The following NLGN1 variants were observed in gnomAD, a reference collection of about 807,000 sequenced individuals.
NLGN1 encodes the protein neuroligin 1.
In NLGN1, 12 loss-of-function variants were observed where a neutral mutation model predicts 65.5. The ratio of observed to expected loss-of-function variants is 0.18; its 90% CI spans 0.12 to 0.30. The LOEUF is 0.30. Among genes scored for constraint, NLGN1 ranks in the 10% least tolerant of loss-of-function variants. The pLI, the probability that NLGN1 is intolerant of heterozygous loss-of-function variation, is 1.00. For synonymous variants in NLGN1, 350 were observed against 359.5 expected (o/e 0.97, Z 0.30); for missense variants, 750 against 1,007.1 (o/e 0.74, Z 3.46).
intron 2 of NLGN1, among the ~76,000 whole-genome samples, chr3:173,555,781 C>A (rs904104438): frequency 6.6e-6 from 1 of 152,018 alleles, no homozygotes; most frequent in Non-Finnish European, 1.5e-5. Context: ...TGCTCCCAGC[C>A]CCTTGTCAAG....
chr3:174,051,166 A>G (rs1192598988), intron 4 of NLGN1, among the ~76,000 whole-genome samples: 3 of 152,056 alleles, frequency 2.0e-5, no homozygotes, highest in Non-Finnish European at 4.4e-5. Context: ...TTCTTAGATA[A>G]AGTAACTGGG....
At chr3:173,894,519 A>G (rs150275363) in intron 4 of NLGN1, among the ~76,000 whole-genome samples, 1 of 152,154 alleles carries the variant, frequency 6.6e-6, no homozygotes, top group African/African-American at 2.4e-5. Context: ...AGTCTCATAG[A>G]TACTTCAGGG....
In NLGN1 at chr3:174,203,737, T is replaced by C. The variant is rs147507370; in HGVS notation, c.647-71578T>C. Reference sequence around the variant, plus strand: ...ATTGTAGCTCATAAAGCAGGATCTTTTCCATAGATACATATTTTTCATAAG... The same window carrying C: ...ATTGTAGCTCATAAAGCAGGATCTTCTCCATAGATACATATTTTTCATAAG... On this transcript the variant is annotated intron_variant, in intron 4 of 6. Transcript: ENST00000457714. Among the ~76,000 whole-genome samples, 4 of 152,332 alleles carry C rather than the reference T, an allele frequency of 2.6e-5. No individual in the cohort carries two copies. The East Asian group carries it at 7.7e-4, about 29-fold the overall frequency.
rs1392050431 is a variant in NLGN1 at position 173,497,842 on chromosome 3, TA to T, written c.-321+62765del. Among the ~76,000 whole-genome samples, 2 of 152,046 alleles carry T rather than the reference TA, an allele frequency of 1.3e-5. 1 individual carries two copies. The highest frequency in any genetic ancestry group is 4.8e-5 in the African/African-American group (2 of 41,322). ...TCTTTATTGACTATGACAGTTATTT[TA>T]TGGTATCTAGAAAAATAGTCTGCAT... is the stretch of plus-strand genomic sequence containing the variant. On this transcript the variant is annotated intron_variant, in intron 2 of 6. Coordinates refer to ENST00000457714, the Ensembl canonical transcript of NLGN1.
intron 1 of NLGN1, among the ~76,000 whole-genome samples, chr3:173,433,127 A>G (rs1455855762): frequency 2.0e-5 from 3 of 152,030 alleles, no homozygotes; most frequent in Non-Finnish European, 2.9e-5. Flanking sequence ...TTCTTAAGGT[A>G]TTTACCTATT....
intron 3 of NLGN1, among the ~76,000 whole-genome samples, chr3:173,754,809 T>C (rs1476620873): frequency 6.6e-6 from 1 of 152,010 alleles, no homozygotes; most frequent in African/African-American, 2.4e-5. Flanking sequence ...TTTGCTTTCA[T>C]ATCATGCATT....
At chr3:173,856,738 A>G (rs1248426037) in intron 4 of NLGN1, among the ~76,000 whole-genome samples, 3 of 152,082 alleles carry the variant, frequency 2.0e-5, no homozygotes, top group Non-Finnish European at 4.4e-5. Context: ...AAAGAAAATG[A>G]GAACTGTTTT....
At chr3:173,978,901 A>T (rs1718147433) in intron 4 of NLGN1, among the ~76,000 whole-genome samples, 1 of 150,872 alleles carries the variant, frequency 6.6e-6, no homozygotes, top group Non-Finnish European at 1.5e-5. Context: ...CCTAATCAGG[A>T]GGCTGAGGCA....
At chr3:174,181,496 TCTC>T in intron 4 of NLGN1, among the ~76,000 whole-genome samples, 1 of 152,166 alleles carries the variant, frequency 6.6e-6, no homozygotes, top group South Asian at 2.1e-4. Context: ...GTTTTTCAGA[TCTC>T]CTCCTTTAGA....
chr3:173,782,376 C>A (rs1781313649), intron 3 of NLGN1, among the ~76,000 whole-genome samples: 1 of 151,990 alleles, frequency 6.6e-6, no homozygotes, highest in Non-Finnish European at 1.5e-5. Flanking sequence ...AGAAAAAAAA[C>A]CTCTCAAGAT....
chr3:173,555,849 A>G (rs952096402), intron 2 of NLGN1, among the ~76,000 whole-genome samples: 74 of 152,280 alleles, frequency 4.9e-4, no homozygotes, highest in Non-Finnish European at 9.3e-4. Flanking sequence ...CTCTTATGTT[A>G]TCTGAAAAAA....
At chr3:174,246,226 T>G (rs1358697187) in intron 4 of NLGN1, among the ~76,000 whole-genome samples, 1 of 152,224 alleles carries the variant, frequency 6.6e-6, no homozygotes, top group African/African-American at 2.4e-5. Flanking sequence ...ACATTTTTAC[T>G]TACCTATTTT....
intron 4 of NLGN1, among the ~76,000 whole-genome samples, chr3:174,000,832 A>G (rs946169325): frequency 3.9e-5 from 6 of 152,206 alleles, no homozygotes; most frequent in African/African-American, 1.4e-4. Context: ...CAACATGTCC[A>G]TATCCAGACA....
chr3:173,399,503 A>G (rs560607207), intron 1 of NLGN1: 56 of 152,280 alleles, frequency 3.7e-4, no homozygotes, highest in African/African-American at 1.3e-3. Flanking sequence ...TCAAATGTAA[A>G]TGTTTGAATG....
At chr3:173,626,328 A>G (rs1169258838) in intron 3 of NLGN1, among the ~76,000 whole-genome samples, 2 of 152,094 alleles carry the variant, frequency 1.3e-5, no homozygotes, top group Non-Finnish European at 2.9e-5. Flanking sequence ...ATATGAGTAA[A>G]ATCTTATTCT....
chr3:173,553,868 G>A (rs1741286195), intron 2 of NLGN1, among the ~76,000 whole-genome samples: 1 of 152,174 alleles, frequency 6.6e-6, no homozygotes, highest in South Asian at 2.1e-4. Flanking sequence ...TCTGCTGGCT[G>A]ATATGCAGGG....
intron 4 of NLGN1, among the ~76,000 whole-genome samples, chr3:173,847,102 T>C (rs561416120): frequency 6.6e-6 from 1 of 152,174 alleles, no homozygotes; most frequent in Non-Finnish European, 1.5e-5. Flanking sequence ...GAAAAGTATA[T>C]AAAAGATGCC....
intron 3 of NLGN1, among the ~76,000 whole-genome samples, chr3:173,770,890 G>A (rs1779481685): frequency 6.6e-6 from 1 of 152,036 alleles, no homozygotes; most frequent in Non-Finnish European, 1.5e-5. Context: ...ACCTTTATAG[G>A]AGAGCTTGTG....
chr3:173,571,809 G>C (rs9883143), intron 2 of NLGN1, among the ~76,000 whole-genome samples: 72,037 of 151,868 alleles, frequency 0.47, 16,710 homozygotes, highest in East Asian at 0.73. Context: ...TCAAATCCAA[G>C]AGCCCTTTCT....
Sources: allele counts gnomAD v4.1 joint callset (sites outside exome capture counted in the v4.1 genomes callset), GRCh38; gene constraint gnomAD v4.1.1; transcripts MANE v1.5; gene names NCBI Gene and HGNC (gene_info 2026-07-23, HGNC 2026-07-21).